BTBD9: variants seen among roughly 807,000 people sequenced by gnomAD.
BTBD9 encodes BTB/POZ domain-containing protein 9.
In BTBD9, 49 loss-of-function variants were observed where a neutral mutation model predicts 64.3. That is an observed-to-expected ratio of 0.76 (90% confidence interval 0.61 to 0.97). The LOEUF is 0.97. Among genes scored for constraint, BTBD9 ranks in the 50% least tolerant of loss-of-function variants. The pLI is 0.00. For missense variants in BTBD9, 598 were observed against 762.1 expected (o/e 0.78, Z 2.53); for synonymous variants, 260 against 274.7 (o/e 0.95, Z 0.53).
At chr6:38,469,786 C>T (rs1291307935) in intron 6 of BTBD9, among the ~76,000 whole-genome samples, 2 of 152,152 alleles carry the variant, frequency 1.3e-5, no homozygotes, top group Non-Finnish European at 2.9e-5. Context: ...ACTATAGCAC[C>T]TCTATTCCAC....
chr6:38,542,901 G>A (rs990497139), intron 6 of BTBD9, among the ~76,000 whole-genome samples: 1 of 152,154 alleles, frequency 6.6e-6, no homozygotes, highest in Admixed American at 6.5e-5. Flanking sequence ...AAGCAAACGA[G>A]TTTGTGAACT....
chr6:38,497,211 A>G (rs1203585480), intron 6 of BTBD9, among the ~76,000 whole-genome samples: 2 of 152,188 alleles, frequency 1.3e-5, no homozygotes, highest in African/African-American at 4.8e-5. Flanking sequence ...GTTAGAAATG[A>G]ATATGCAACT....
intron 6 of BTBD9, among the ~76,000 whole-genome samples, chr6:38,418,467 C>T (rs138210038): frequency 6.6e-6 from 1 of 152,228 alleles, no homozygotes; most frequent in Non-Finnish European, 1.5e-5. Context: ...TATGTGTGTA[C>T]CAAGATGAGT....
chr6:38,270,329 A>AC (rs1397458430), intron 8 of BTBD9, among the ~76,000 whole-genome samples: 1 of 150,578 alleles, frequency 6.6e-6, no homozygotes, highest in Non-Finnish European at 1.5e-5. Context: ...ATGCAAGCTT[A>AC]CCCCCCACCC....
chr6:38,546,832 C>T (rs1774572486), intron 6 of BTBD9, among the ~76,000 whole-genome samples: 1 of 152,106 alleles, frequency 6.6e-6, no homozygotes, highest in Non-Finnish European at 1.5e-5. Flanking sequence ...CCATGCCCAG[C>T]TAATCTTGTA....
rs1002855481 is a variant in BTBD9 at position 38,476,066 on chromosome 6, A to G, written c.1154+101534T>C. Among the ~76,000 whole-genome samples the G allele has an allele frequency of 7.2e-5, 11 of 152,312 alleles. No homozygotes were observed. The East Asian group carries it at 1.7e-3, about 24-fold the overall frequency. On this transcript the variant is annotated intron_variant, in intron 6 of 10. Transcript: ENST00000481247. ...GAATGTCCATTTGGCAGGCTGGAAA[A>G]AATTAATTTGGGGTTGCCATTGTGT... is the stretch of plus-strand genomic sequence containing the variant.
At chr6:38,260,306 TA>T (rs1356779485) in intron 8 of BTBD9, among the ~76,000 whole-genome samples, 1 of 152,242 alleles carries the variant, frequency 6.6e-6, no homozygotes, top group Non-Finnish European at 1.5e-5. Context: ...TCTGTTACCA[TA>T]ACTGTTGTTG....
In BTBD9 at chr6:38,308,769, C is replaced by CTTAT. The variant is rs533362778; in HGVS notation, c.1265-20312_1265-20309dup. 2.3e-3 allele frequency among the ~76,000 whole-genome samples: 349 copies of CTTAT among 151,836 alleles called. 1 individual carries two copies. The highest frequency in any genetic ancestry group is 7.8e-3 in the African/African-American group (323 of 41,424). On this transcript the variant is annotated intron_variant, in intron 7 of 10. Coordinates refer to ENST00000481247, the MANE Select transcript of BTBD9 (RefSeq NM_001099272.2). The stretch of plus-strand genomic sequence containing the variant: ...TACAGGTATGTGCCACCAAGCCTGG[C>CTTAT]TTATTTATTTATTTATTTATTTTTT...
At chr6:38,197,524 G>A (rs529706556) in intron 9 of BTBD9, among the ~76,000 whole-genome samples, 3 of 152,282 alleles carry the variant, frequency 2.0e-5, no homozygotes, top group Admixed American at 6.5e-5. Flanking sequence ...TCATACACAC[G>A]AGTGGATCAT....
intron 6 of BTBD9, among the ~76,000 whole-genome samples, chr6:38,497,026 A>G (rs1448650494): frequency 6.6e-6 from 1 of 152,210 alleles, no homozygotes; most frequent in Non-Finnish European, 1.5e-5. Context: ...CCCCCTTATC[A>G]ACATGGGAAA....
chr6:38,345,235 T>G (rs1462804829), intron 6 of BTBD9, 142 bp from the exon 7 acceptor site: 2 of 505,648 alleles, frequency 4.0e-6, no homozygotes, highest in Non-Finnish European at 7.1e-6. Flanking sequence ...GACTTCAGAC[T>G]CTATATCTGC....
In BTBD9 at chr6:38,383,395, A is replaced by G. The variant is rs547389564; in HGVS notation, c.1155-38302T>C. 2.3e-4 allele frequency among the ~76,000 whole-genome samples: 35 copies of G among 152,336 alleles called. No individual in the cohort carries two copies. The South Asian group carries it at 6.6e-3, about 29-fold the overall frequency. ...GTTAAAAGGCATCTATCAGAATCCT[A>G]TAACAAATGTCTTTCTCAGTGGTAA... On this transcript the variant is annotated intron_variant, in intron 6 of 10. Transcript: ENST00000481247.
intron 7 of BTBD9, among the ~76,000 whole-genome samples, chr6:38,310,790 T>G (rs914967711): frequency 5.5e-5 from 8 of 146,606 alleles, no homozygotes; most frequent in Non-Finnish European, 1.2e-4. Context: ...TATACCCTTC[T>G]AGCTTTGTTT....
intron 9 of BTBD9, among the ~76,000 whole-genome samples, chr6:38,215,387 G>C (rs1762979012): frequency 6.6e-6 from 1 of 152,084 alleles, no homozygotes; most frequent in Admixed American, 6.5e-5. Context: ...TCGGCCTCCG[G>C]GCTCGCTAAG....
chr6:38,178,565 C>T (rs1481232532), intron 10 of BTBD9, among the ~76,000 whole-genome samples: 1 of 151,916 alleles, frequency 6.6e-6, no homozygotes, highest in East Asian at 1.9e-4. Context: ...GCCAGGCAGG[C>T]GGTCAGGGAA....
chr6:38,469,964 C>T (rs969066897), intron 6 of BTBD9, among the ~76,000 whole-genome samples: 1 of 152,148 alleles, frequency 6.6e-6, no homozygotes, highest in Non-Finnish European at 1.5e-5. Context: ...AATTTTATCA[C>T]TGTCAGAAAA....
At chr6:38,182,182 T>C (rs1477016456) in intron 10 of BTBD9, among the ~76,000 whole-genome samples, 2 of 152,208 alleles carry the variant, frequency 1.3e-5, no homozygotes, top group African/African-American at 2.4e-5. Flanking sequence ...AAAAAAACTT[T>C]ACAATATCAT....
chr6:38,463,796 C>T (rs1770214037), intron 6 of BTBD9, among the ~76,000 whole-genome samples: 1 of 152,144 alleles, frequency 6.6e-6, no homozygotes, highest in African/African-American at 2.4e-5. Flanking sequence ...CTTTAGGAGG[C>T]CAAGGCAGGT....
intron 10 of BTBD9, among the ~76,000 whole-genome samples, chr6:38,183,574 C>T (rs938754845): frequency 1.3e-5 from 2 of 152,194 alleles, no homozygotes; most frequent in African/African-American, 2.4e-5. Flanking sequence ...GCCTCCACAC[C>T]CCTTTCTTCT....
Sources: gnomAD v4.1 joint callset for allele counts (sites outside exome capture counted in the v4.1 genomes callset) on GRCh38, gnomAD v4.1.1 for gene constraint, MANE v1.5 for transcripts, NCBI Gene and HGNC (gene_info 2026-07-23, HGNC 2026-07-21) for gene names.